SUPT3H: variants seen among roughly 807,000 people sequenced by gnomAD.
SUPT3H encodes transcription initiation protein SPT3 homolog.
SUPT3H carries 44 observed loss-of-function variants against 44.3 expected under a neutral mutation model. That is an observed-to-expected ratio of 0.99 (90% CI 0.78 to 1.28). The LOEUF (loss-of-function observed/expected upper bound fraction) is 1.28. SUPT3H is among the 50% of genes most tolerant of loss of function. The pLI, the probability that SUPT3H is intolerant of heterozygous loss-of-function variation, is 0.00. For synonymous variants in SUPT3H, 124 were observed against 125.6 expected (o/e 0.99, Z 0.09); for missense variants, 380 against 387.1 (o/e 0.98, Z 0.15).
rs558777141 is a variant in SUPT3H at position 45,191,156 on chromosome 6, G to C, written c.102-85150C>G. Among the ~76,000 whole-genome samples, 325 of 152,104 alleles carry C rather than the reference G, an allele frequency of 2.1e-3. 1 individual carries two copies. Among genetic ancestry groups the C allele is most frequent in the African/African-American group, 7.5e-3 (311 of 41,522 alleles). ...GCTTTATTTATAATTGCCAAAACTA[G>C]TAAGCAACCAAGATGTCCTTCAATA... On this transcript the variant is annotated intron_variant, in intron 2 of 10. Transcript: ENST00000371459.
chr6:45,328,922 A>C (rs912629548), intron 2 of SUPT3H: 13 of 933,486 alleles, frequency 1.4e-5, no homozygotes, highest in African/African-American at 3.3e-5. Context: ...TTAAGAATTG[A>C]AAAATGAAAT....
At chr6:45,009,982 ATG>A (rs34035099) in intron 5 of SUPT3H, among the ~76,000 whole-genome samples, 80,258 of 151,676 alleles carry the variant, frequency 0.53, 21,290 homozygotes, top group East Asian at 0.7. Context: ...TGAACGTAGG[ATG>A]TCTTTCCATT....
chr6:45,277,250 A>G (rs1000980271), intron 2 of SUPT3H, among the ~76,000 whole-genome samples: 9 of 152,206 alleles, frequency 5.9e-5, no homozygotes, highest in African/African-American at 2.2e-4. Context: ...TGTCCAAATT[A>G]TATATAGCTA....
chr6:44,810,897 G>T (rs1766469929), intron 11 of SUPT3H, among the ~76,000 whole-genome samples: 1 of 140,554 alleles, frequency 7.1e-6, no homozygotes, highest in African/African-American at 2.6e-5. Context: ...CAGAGCGAGA[G>T]ACTCCATCTC....
At chr6:45,016,745 G>A (rs1784347503) in intron 4 of SUPT3H, among the ~76,000 whole-genome samples, 1 of 151,894 alleles carries the variant, frequency 6.6e-6, no homozygotes, top group Non-Finnish European at 1.5e-5. Context: ...GTCTATCATT[G>A]TTGGACATTT....
At chr6:45,328,364 C>G (rs535268603) in intron 2 of SUPT3H, 2 of 1,383,760 alleles carry the variant, frequency 1.4e-6, no homozygotes, top group East Asian at 8.7e-5. Context: ...ACCACAAGTG[C>G]GGTGCAAACT....
In SUPT3H at chr6:45,074,279, T is replaced by C. The variant is rs965798543; in HGVS notation, c.186+31643A>G. ...AAAGATAATAGGTACCATATAACTA[T>C]AAAGATAATAGATACCATATAAACA... On this transcript the variant is annotated intron_variant, in intron 3 of 10. Transcript: ENST00000371459. Among the ~76,000 whole-genome samples the C allele has an allele frequency of 3.3e-5, 5 of 151,970 alleles. No individual in the cohort carries two copies. The South Asian group carries it at 1.0e-3, about 31-fold the overall frequency.
intron 10 of SUPT3H, among the ~76,000 whole-genome samples, chr6:44,837,781 ACT>A (rs925938872): frequency 3.5e-4 from 53 of 152,290 alleles, no homozygotes; most frequent in Middle Eastern, 3.4e-3. Context: ...AGGTTCAAAT[ACT>A]CTGTTACCAA....
At chr6:44,986,581 G>C (rs960949963) in intron 6 of SUPT3H, among the ~76,000 whole-genome samples, 7 of 152,086 alleles carry the variant, frequency 4.6e-5, no homozygotes, top group Non-Finnish European at 1.0e-4. Flanking sequence ...GATGCAGAAT[G>C]AATGTCAAAA....
intron 2 of SUPT3H, among the ~76,000 whole-genome samples, chr6:45,194,987 T>C (rs867458320): frequency 6.6e-6 from 1 of 152,280 alleles, no homozygotes; most frequent in Middle Eastern, 3.4e-3. Context: ...TGCAGTGTAA[T>C]GTTTTTCAGT....
At chr6:45,112,661 T>C (rs901802943) in intron 2 of SUPT3H, among the ~76,000 whole-genome samples, 1 of 152,138 alleles carries the variant, frequency 6.6e-6, no homozygotes, top group African/African-American at 2.4e-5. Context: ...GGGGAAGGGC[T>C]GATTAAGTTT....
intron 2 of SUPT3H, among the ~76,000 whole-genome samples, chr6:45,117,291 TTGTC>T (rs1370663065): frequency 6.6e-6 from 1 of 152,082 alleles, no homozygotes; most frequent in African/African-American, 2.4e-5. Flanking sequence ...CAAGCTGTCT[TTGTC>T]TGAAATATAA....
chr6:44,922,979 A>C (rs2153457489), intron 10 of SUPT3H, among the ~76,000 whole-genome samples: 1 of 152,150 alleles, frequency 6.6e-6, no homozygotes, highest in African/African-American at 2.4e-5. Context: ...GATTTTCTTC[A>C]TTCGATTTCC....
intron 2 of SUPT3H, chr6:45,328,167 G>C: frequency 8.1e-6 from 6 of 744,064 alleles, no homozygotes; most frequent in Non-Finnish European, 1.1e-5. Context: ...GAGAAAGAGA[G>C]AGAGAGAAAG....
intron 2 of SUPT3H, among the ~76,000 whole-genome samples, chr6:45,191,860 C>T (rs1282473009): frequency 6.6e-6 from 1 of 152,076 alleles, no homozygotes; most frequent in African/African-American, 2.4e-5. Flanking sequence ...CCCAGCACTT[C>T]CAGTGTCTGT....
intron 1 of SUPT3H, among the ~76,000 whole-genome samples, chr6:45,372,752 G>A (rs1340869645): frequency 6.6e-6 from 1 of 151,942 alleles, no homozygotes; most frequent in Non-Finnish European, 1.5e-5. Flanking sequence ...TCCACCTCCT[G>A]GGCTCAAGCA....
At chr6:44,924,556 T>C (rs972000118) in intron 10 of SUPT3H, among the ~76,000 whole-genome samples, 13 of 152,086 alleles carry the variant, frequency 8.5e-5, no homozygotes, top group African/African-American at 2.7e-4. Context: ...AAAAGTTTAA[T>C]GGGTAGGATT....
intron 2 of SUPT3H, among the ~76,000 whole-genome samples, chr6:45,132,509 C>T (rs555507092): frequency 6.6e-6 from 1 of 152,140 alleles, no homozygotes; most frequent in Non-Finnish European, 1.5e-5. Flanking sequence ...TCTTTGACCA[C>T]TAGACCTTTC....
At position 44,839,055 on chromosome 6, in the gene SUPT3H, T is replaced by C. The variant is rs16872702; in HGVS notation, c.913-9198A>G. Among the ~76,000 whole-genome samples, 601 of 152,342 alleles carry C rather than the reference T, an allele frequency of 3.9e-3. 7 individuals are homozygous for C. The highest frequency in any genetic ancestry group is 0.014 in the African/African-American group (572 of 41,574). On this transcript the variant is annotated intron_variant, in intron 10 of 10. Transcript: ENST00000371459. ...GATTAATTTGAACAGAGCTATCATA[T>C]TAAATGACAAGATCCGAGTTGTGGA...
Sources: allele counts gnomAD v4.1 joint callset (sites outside exome capture counted in the v4.1 genomes callset), GRCh38; gene constraint gnomAD v4.1.1; transcripts MANE v1.5; gene names NCBI Gene and HGNC (gene_info 2026-07-23, HGNC 2026-07-21).